ENPP2: variants seen among roughly 807,000 people sequenced by gnomAD.
ENPP2 encodes ectonucleotide pyrophosphatase/phosphodiesterase 2, also known as autotaxin.
In ENPP2, 51 loss-of-function variants were observed where a neutral mutation model predicts 120.2. That is an observed-to-expected ratio of 0.42 (90% CI 0.34 to 0.54). ENPP2 has a LOEUF of 0.54. Among genes scored for constraint, ENPP2 ranks in the 20% least tolerant of loss-of-function variants. The probability of loss-of-function intolerance (pLI) is 0.04; values close to 1 mark genes in which losing one functional copy is unlikely to be tolerated. For synonymous variants in ENPP2, 365 were observed against 366.4 expected (o/e 1.00, Z 0.04); for missense variants, 920 against 1,066.5 (o/e 0.86, Z 1.91).
intron 19 of ENPP2, among the ~76,000 whole-genome samples, chr8:119,573,407 T>TAAAAAAAAAAAAAAAAAAAA (rs1563680979): frequency 1.3e-4 from 9 of 71,546 alleles, no homozygotes; most frequent in African/African-American, 5.7e-4. Context: ...GCTCCGTCTC[T>TAAAAAAAAAAAAAAAAAAAA]TAAAAAAAAA....
intron 13 of ENPP2, among the ~76,000 whole-genome samples, chr8:119,588,983 C>T (rs568662700): frequency 1.3e-5 from 2 of 152,244 alleles, no homozygotes; most frequent in Admixed American, 6.5e-5. Flanking sequence ...GTTCCCTCAC[C>T]CCTCTCTGAG....
intron 9 of ENPP2, among the ~76,000 whole-genome samples, chr8:119,603,571 CAATAT>C (rs1814469513): frequency 6.6e-6 from 1 of 151,540 alleles, no homozygotes; most frequent in Admixed American, 6.6e-5. Flanking sequence ...AAAACGAGGA[CAATAT>C]AATAGTACCT....
chr8:119,673,266 G>T lies in ENPP2; in HGVS notation c.7C>A (p.Arg3Ser), dbSNP rs773614813. 80 of 1,535,186 alleles carry T rather than the reference G, an allele frequency of 5.2e-5. No homozygotes were observed. The African/African-American group carries it at 1.0e-3, about 20-fold the overall frequency. Residue 3 changes from arginine to serine, a missense_variant, in exon 1 of 26, where the codon CGC becomes AGC. Transcript: ENST00000427067. ...GCATACCGTACCCGATCGGCGTGGC[G>T]GGTCATGCTGCGGGAGTCTCGGCGT...
chr8:119,595,798 C>CA, intron 11 of ENPP2: 1 of 1,596,684 alleles, frequency 6.3e-7, no homozygotes, highest in Non-Finnish European at 8.6e-7. Context: ...AGGCAACCTT[C>CA]AACTCAGACC....
chr8:119,669,546 T>G lies in ENPP2; in HGVS notation c.21+3706A>C, dbSNP rs186821854. On this transcript the variant is annotated intron_variant, in intron 1 of 25. Transcript: ENST00000427067. ...TGGGATCATCTCAAAAAAGAAAGCA[T>G]GCCTAATTTGACTTATGCTGGCTCC... 3.6e-3 allele frequency among the ~76,000 whole-genome samples: 543 copies of G among 152,320 alleles called. 3 individuals carry two copies. The highest frequency in any genetic ancestry group is 6.6e-3 in the Non-Finnish European group (451 of 68,032).
intron 8 of ENPP2, among the ~76,000 whole-genome samples, chr8:119,613,575 A>G (rs970677130): frequency 6.6e-6 from 1 of 152,184 alleles, no homozygotes; most frequent in South Asian, 2.1e-4. Flanking sequence ...AAATGTATAA[A>G]AAATTATAAG....
intron 11 of ENPP2, chr8:119,595,783 A>G: frequency 1.3e-6 from 2 of 1,529,984 alleles, no homozygotes; most frequent in Non-Finnish European, 1.8e-6. Context: ...CAACCAAGGC[A>G]CTGAAGGCAA....
At chr8:119,588,528 CAA>C (rs58771451) in intron 13 of ENPP2, among the ~76,000 whole-genome samples, 20,107 of 68,236 alleles carry the variant, frequency 0.29, 1,746 homozygotes, top group South Asian at 0.44. Flanking sequence ...AACTCCGCCT[CAA>C]AAAAAAAAAA....
intron 1 of ENPP2, among the ~76,000 whole-genome samples, chr8:119,663,208 C>T (rs1817976139): frequency 6.6e-6 from 1 of 151,860 alleles, no homozygotes; most frequent in Admixed American, 6.6e-5. Context: ...ATGAGCAGTG[C>T]TTTTTCAAGT....
chr8:119,630,682 C>G (rs1428068605), intron 2 of ENPP2, among the ~76,000 whole-genome samples: 1 of 152,110 alleles, frequency 6.6e-6, no homozygotes, highest in Admixed American at 6.5e-5. Flanking sequence ...AAAAGAAGTA[C>G]TGTACTTAAG....
At chr8:119,622,015 G>A (rs907435995) in intron 3 of ENPP2, among the ~76,000 whole-genome samples, 4 of 152,016 alleles carry the variant, frequency 2.6e-5, no homozygotes, top group East Asian at 1.9e-4. Flanking sequence ...TGTAACCTCC[G>A]CCTCCCTGGT....
intron 1 of ENPP2, among the ~76,000 whole-genome samples, chr8:119,650,973 T>TAA (rs563396859): frequency 2.8e-5 from 4 of 142,104 alleles, no homozygotes; most frequent in African/African-American, 1.0e-4. Flanking sequence ...AATACTTCTT[T>TAA]AAAAAAAAAA....
intron 5 of ENPP2, among the ~76,000 whole-genome samples, chr8:119,617,818 G>A (rs994487594): frequency 2.6e-5 from 4 of 151,944 alleles, no homozygotes; most frequent in Non-Finnish European, 5.9e-5. Flanking sequence ...ACGTGGTGGC[G>A]GGCACCTGTA....
At chr8:119,576,391 G>T (rs1410152585) in intron 19 of ENPP2, among the ~76,000 whole-genome samples, 4 of 152,166 alleles carry the variant, frequency 2.6e-5, no homozygotes, top group African/African-American at 4.8e-5. Flanking sequence ...ACCCACCTCG[G>T]CCTCCCAAAG....
At chr8:119,622,231 A>C (rs1238150785) in intron 3 of ENPP2, among the ~76,000 whole-genome samples, 1 of 152,116 alleles carries the variant, frequency 6.6e-6, no homozygotes, top group East Asian at 1.9e-4. Context: ...ACCTAGCCTA[A>C]AGTAGCTGTG....
chr8:119,616,256 A>G lies in ENPP2; in HGVS notation c.777+9T>C, dbSNP rs749420221. ...AAACACATAGACACACAATAAATGC[A>G]AAACTTACCGGTTGACCTCCCCACC... On this transcript the variant is annotated intron_variant, in intron 8 of 24. Coordinates refer to ENST00000075322, the MANE Select transcript of ENPP2 (RefSeq NM_001040092.3). 3.7e-6 allele frequency: 6 copies of G among 1,600,918 alleles called. No homozygotes were observed. Among genetic ancestry groups the G allele is most frequent in the Non-Finnish European group, 4.3e-6 (5 of 1,170,948 alleles).
At chr8:119,649,266 G>T (rs1817560719) in intron 1 of ENPP2, among the ~76,000 whole-genome samples, 1 of 151,386 alleles carries the variant, frequency 6.6e-6, no homozygotes, top group Non-Finnish European at 1.5e-5. Flanking sequence ...GCCGGGTGTG[G>T]TCGTGGGCAC....
At chr8:119,589,013 T>C (rs1813315775) in intron 13 of ENPP2, among the ~76,000 whole-genome samples, 1 of 152,284 alleles carries the variant, frequency 6.6e-6, no homozygotes, top group Non-Finnish European at 1.5e-5. Context: ...CTACTGTCTA[T>C]AAAAGGGATA....
chr8:119,658,231 A>T (rs1056259567), intron 1 of ENPP2, among the ~76,000 whole-genome samples: 1 of 152,102 alleles, frequency 6.6e-6, no homozygotes, highest in Non-Finnish European at 1.5e-5. Flanking sequence ...CTTGTTTGTT[A>T]TGTGGATATT....
Sources: allele counts gnomAD v4.1 joint callset (sites outside exome capture counted in the v4.1 genomes callset), GRCh38; gene constraint gnomAD v4.1.1; transcripts MANE v1.5; gene names NCBI Gene and HGNC (gene_info 2026-07-23, HGNC 2026-07-21).